Variants in POFUT2 observed in about 807,000 individuals in gnomAD.
The protein encoded by POFUT2 is GDP-fucose protein O-fucosyltransferase 2.
Under a neutral mutation model 55.0 loss-of-function variants are expected in POFUT2, and 30 were observed. The observed-to-expected ratio is 0.55, with a 90% CI of 0.41 to 0.74. POFUT2 has a LOEUF of 0.74. Ranked by LOEUF, POFUT2 falls within the 30% of genes least tolerant of loss-of-function variation. The probability of loss-of-function intolerance (pLI) is 0.00; values close to 1 mark genes in which losing one functional copy is unlikely to be tolerated. For missense variants in POFUT2, 524 were observed against 562.6 expected (o/e 0.93, Z 0.69); for synonymous variants, 267 against 231.1 (o/e 1.16, Z -1.41).
chr21:45,273,537 C>A (rs898536580), intron 6 of POFUT2, among the ~76,000 whole-genome samples: 2 of 152,086 alleles, frequency 1.3e-5, no homozygotes, highest in Admixed American at 6.5e-5. Flanking sequence ...ACCAATATCC[C>A]TGATGAACAT....
rs539597448 is a variant in POFUT2, at chr21:45,282,328, C to CG, written c.638+20dup. On this transcript the variant is annotated intron_variant, in intron 4 of 8. Coordinates refer to ENST00000349485, the MANE Select transcript of POFUT2 (RefSeq NM_133635.6). The surrounding 1 kb of genome is among the most constrained non-coding windows in gnomAD (Gnocchi z 4.6). ...GACGCCACAGCCTCCAGGCTGCTCC[C>CG]GGGGGGCCTGGGGCACTCACCGGGC... 5 of 1,511,620 alleles carry CG rather than the reference C, an allele frequency of 3.3e-6. No individual in the cohort carries two copies. Among genetic ancestry groups the CG allele is most frequent in the Admixed American group, 3.4e-5 (2 of 59,686 alleles). 93.6% of individuals were successfully genotyped at this position (1,511,620 alleles called of 1,614,324 possible).
chr21:45,276,924 A>AC, intron 6 of POFUT2, 93 bp downstream of exon 6: 2 of 1,408,922 alleles, frequency 1.4e-6, no homozygotes, highest in Non-Finnish European at 2.0e-6. Context: ...AGACACGCCA[A>AC]CCCTGCTGTG....
chr21:45,286,650 G>A (rs114735385), intron 1 of POFUT2, among the ~76,000 whole-genome samples: 294 of 152,284 alleles, frequency 1.9e-3, no homozygotes, highest in African/African-American at 6.8e-3. Flanking sequence ...CTGCCCTAGA[G>A]GAAGGACACA....
Position 45,282,657 on chromosome 21 carries a change from T to C in POFUT2, c.528-198A>G. On this transcript the variant is annotated intron_variant, in intron 3 of 8. Coordinates refer to ENST00000349485, the MANE Select transcript of POFUT2 (RefSeq NM_133635.6). This position sits in a 1 kb window ranked among gnomAD's most constrained non-coding sequence, Gnocchi z 4.6. ...AGCCCATGAGTGTCTCTCAGGCTGATGGACCACTGAGGCTTTCCCCATGAT... is the reference window on the plus strand; with the variant it reads ...AGCCCATGAGTGTCTCTCAGGCTGACGGACCACTGAGGCTTTCCCCATGAT... 4 of 598,650 alleles carry C rather than the reference T, an allele frequency of 6.7e-6. No individual in the cohort carries two copies. The highest frequency in any genetic ancestry group is 5.5e-5 in the Admixed American group (2 of 36,314). The allele number at this position is 598,650 out of a possible 1,614,324, so 37.1% of individuals were successfully genotyped here.
At position 45,277,945 on chromosome 21, in the gene POFUT2, G is replaced by A. The variant is rs540446884; in HGVS notation, c.705+158C>T. The stretch of plus-strand genomic sequence containing the variant: ...GGCTCTGCAGCCACGTGAGGCTTGG[G>A]GGTGGCACAGTCACCGCAGTTGCCC... On this transcript the variant is annotated intron_variant, in intron 5 of 8. Transcript: ENST00000349485. The surrounding 1 kb of genome is among the most constrained non-coding windows in gnomAD (Gnocchi z 6.9). Among the ~76,000 whole-genome samples the A allele has an allele frequency of 1.3e-5, 2 of 152,316 alleles. No homozygotes were observed. Among genetic ancestry groups the A allele is most frequent in the African/African-American group, 4.8e-5 (2 of 41,564 alleles).
chr21:45,285,305 A>G lies in POFUT2; in HGVS notation c.382+373T>C, dbSNP rs565052355. ...GCGCTGCACTGAGACACCACGAAGC[A>G]TACTCCACACGCAGTGCGTCTTCCT... On this transcript the variant is annotated intron_variant, in intron 2 of 8. Coordinates refer to ENST00000349485, the MANE Select transcript of POFUT2 (RefSeq NM_133635.6). This position sits in a 1 kb window ranked among gnomAD's most constrained non-coding sequence, Gnocchi z 4.9. 6.1e-6 allele frequency: 2 copies of G among 325,882 alleles called. No homozygotes were observed. The highest frequency in any genetic ancestry group is 2.8e-5 in the South Asian group (1 of 35,928). 20.2% of individuals were successfully genotyped at this position (325,882 alleles called of 1,614,324 possible). A position where few individuals can be genotyped will look rare whatever the true frequency, so the allele number is the denominator to read the frequency against.
intron 6 of POFUT2, among the ~76,000 whole-genome samples, chr21:45,276,117 A>G (rs948623183): frequency 6.6e-6 from 1 of 152,164 alleles, no homozygotes; most frequent in Non-Finnish European, 1.5e-5. Context: ...TGAACCCGGG[A>G]GGCAGAGGTT....
At chr21:45,273,101 A>C (rs1017313832) in intron 6 of POFUT2, among the ~76,000 whole-genome samples, 1 of 152,188 alleles carries the variant, frequency 6.6e-6, no homozygotes, top group African/African-American at 2.4e-5. Context: ...ATGAAACAAT[A>C]AGCTGGTTCT....
intron 2 of POFUT2, 77 bp from the exon 3 acceptor site, chr21:45,283,604 A>G (rs1398151499): frequency 4.8e-6 from 7 of 1,464,022 alleles, no homozygotes; most frequent in Non-Finnish European, 6.6e-6. Flanking sequence ...AGTCACCAGC[A>G]GCTGACTCTT....
chr21:45,277,962 CA>C lies in POFUT2; in HGVS notation c.705+140del. The C allele has an allele frequency of 2.5e-6, 2 of 788,654 alleles. No homozygotes were observed. Among genetic ancestry groups the C allele is most frequent in the Non-Finnish European group, 4.4e-6 (2 of 457,624 alleles). The allele number at this position is 788,654 out of a possible 1,614,324, so 48.9% of individuals were successfully genotyped here. A position where few individuals can be genotyped will look rare whatever the true frequency, so the allele number is the denominator to read the frequency against. ...AGGCTTGGGGGTGGCACAGTCACCGCAGTTGCCCAAATCCATGGCTTAAAAT... is the reference window on the plus strand; with the variant it reads ...AGGCTTGGGGGTGGCACAGTCACCGCGTTGCCCAAATCCATGGCTTAAAAT... On this transcript the variant is annotated intron_variant, in intron 5 of 8. Transcript: ENST00000349485. This position sits in a 1 kb window ranked among gnomAD's most constrained non-coding sequence, Gnocchi z 6.9.
At chr21:45,266,755 G>A (rs1054149705) in intron 8 of POFUT2, 129 of 996,514 alleles carry the variant, frequency 1.3e-4, no homozygotes, top group Non-Finnish European at 1.5e-4. Flanking sequence ...AAGAGGCACC[G>A]GCTCAGGGCG....
chr21:45,286,998 C>T (rs1036244252), intron 1 of POFUT2, among the ~76,000 whole-genome samples: 14 of 152,178 alleles, frequency 9.2e-5, no homozygotes, highest in Non-Finnish European at 1.8e-4. Flanking sequence ...CTTGCAGGGG[C>T]CTCCGGAGCC....
At chr21:45,275,234 C>G (rs898714415) in intron 6 of POFUT2, among the ~76,000 whole-genome samples, 1 of 152,170 alleles carries the variant, frequency 6.6e-6, no homozygotes, top group South Asian at 2.1e-4. Flanking sequence ...CTACCTTACT[C>G]CTGCAAGAAT....
rs770535930 is a variant in POFUT2 at position 45,278,089 on chromosome 21, G to A, written c.705+14C>T. On this transcript the variant is annotated intron_variant, in intron 5 of 8. Transcript: ENST00000349485. ...TACACTAACTGAGAAAAACGCTCCC[G>A]AGGAAACACTCACATCCCAGTATTC... 1.7e-5 allele frequency: 28 copies of A among 1,608,040 alleles called. No homozygotes were observed. The highest frequency in any genetic ancestry group is 5.5e-5 in the South Asian group (5 of 90,966).
In POFUT2 at chr21:45,287,825, C is replaced by T; in HGVS notation, c.47G>A (p.Trp16Ter). 2 of 1,493,240 alleles carry T rather than the reference C, an allele frequency of 1.3e-6. No homozygotes were observed. Among genetic ancestry groups the T allele is most frequent in the Non-Finnish European group, 9.0e-7 (1 of 1,116,990 alleles). 92.5% of individuals were successfully genotyped at this position (1,493,240 alleles called of 1,614,324 possible). Residue 16 changes from tryptophan (W) to a stop codon, truncating the protein, a stop_gained, in exon 1 of 9, where the codon TGG becomes TAG. Transcript: ENST00000349485. LOFTEE classifies it high-confidence loss of function. Reference protein sequence around the residue: ...FVFLLLGAVSWPPASASGQEF... With the variant: ...FVFLLLGAVS ...CTGGCCGGAGGCAGAAGCCGGAGGC[C>T]AGGACACTGCCCCCAGCAGCAGGAA...
At chr21:45,276,287 G>GA (rs559622955) in intron 6 of POFUT2, among the ~76,000 whole-genome samples, 4 of 149,072 alleles carry the variant, frequency 2.7e-5, no homozygotes, top group African/African-American at 7.4e-5. Flanking sequence ...GGATAAAAAT[G>GA]AAAAAAAATC....
At chr21:45,268,800 C>T (rs867158115) in intron 7 of POFUT2, among the ~76,000 whole-genome samples, 15 of 146,314 alleles carry the variant, frequency 1.0e-4, no homozygotes, top group East Asian at 8.2e-4. Flanking sequence ...CCACCCCGTC[C>T]GGGAGGGAGG....
At chr21:45,286,168 G>A (rs1444689275) in intron 1 of POFUT2, among the ~76,000 whole-genome samples, 1 of 152,162 alleles carries the variant, frequency 6.6e-6, no homozygotes, top group African/African-American at 2.4e-5. Flanking sequence ...CTAAGGCAGA[G>A]GAATCCCAGT....
At position 45,277,254 on chromosome 21, in the gene POFUT2, C is replaced by G. The variant is rs1184358436; in HGVS notation, c.706-112G>C. 1 of 1,387,450 alleles carries G rather than the reference C, an allele frequency of 7.2e-7. No individual in the cohort carries two copies. Among genetic ancestry groups the G allele is most frequent in the African/African-American group, 1.4e-5 (1 of 70,128 alleles). 85.9% of individuals were successfully genotyped at this position (1,387,450 alleles called of 1,614,324 possible). On this transcript the variant is annotated intron_variant, in intron 5 of 8. Coordinates refer to ENST00000349485, the MANE Select transcript of POFUT2 (RefSeq NM_133635.6). This position sits in a 1 kb window ranked among gnomAD's most constrained non-coding sequence, Gnocchi z 6.9. Reference sequence around the variant, plus strand: ...CCACCCCCGCAGCTGGAACAAGCCCCTCAGACACGTCATCCACGGTCGCCT... The same window carrying G: ...CCACCCCCGCAGCTGGAACAAGCCCGTCAGACACGTCATCCACGGTCGCCT...
Sources: gnomAD v4.1 joint callset for allele counts (sites outside exome capture counted in the v4.1 genomes callset) on GRCh38, gnomAD v4.1.1 for gene constraint, Gnocchi (gnomAD v3.1) non-coding constraint, MANE v1.5 for transcripts, NCBI Gene and HGNC (gene_info 2026-07-23, HGNC 2026-07-21) for gene names.